ATP13A3: variants seen among roughly 807,000 people sequenced by gnomAD.
ATP13A3 encodes the protein ATPase 13A3.
A neutral mutation model predicts 158.1 loss-of-function variants in ATP13A3; 59 were observed. The ratio of observed to expected loss-of-function variants is 0.37; its 90% CI spans 0.30 to 0.46. ATP13A3 has a LOEUF of 0.46. Among genes scored for constraint, ATP13A3 ranks in the 20% least tolerant of loss-of-function variants. ATP13A3 has a pLI of 1.00. For synonymous variants in ATP13A3, 491 were observed against 504.3 expected, an observed-to-expected ratio of 0.97 and a Z score of 0.35; for missense variants, 1,166 against 1,525.2, an observed-to-expected ratio of 0.76 and a Z score of 3.92.
Position 194,434,729 on chromosome 3 carries a change from C to T in ATP13A3, c.2121-833G>A, listed in dbSNP as rs150842507. On this transcript the variant is annotated intron_variant, in intron 20 of 33. Transcript: ENST00000645319. ...CCTAGGAGTTTGAGGCCAGCCTGGGCAGCATAGTGAGACCCCGTCTCTACA... is the reference window on the plus strand; with the variant it reads ...CCTAGGAGTTTGAGGCCAGCCTGGGTAGCATAGTGAGACCCCGTCTCTACA... Among the ~76,000 whole-genome samples, 3 of 152,226 alleles carry T rather than the reference C, an allele frequency of 2.0e-5. 1 individual carries two copies. Among genetic ancestry groups the T allele is most frequent in the African/African-American group, 7.2e-5 (3 of 41,532 alleles).
chr3:194,405,874 T>C lies in ATP13A3; in HGVS notation c.*45A>G, dbSNP rs769894341. ...GATCAGAAACTCCTAAAATCACATA[T>C]TCCTGAATACTGCTATCAGCAATAC... On this transcript the variant is annotated 3_prime_UTR_variant, in exon 34 of 34. Transcript: ENST00000645319. 49 of 1,594,382 alleles carry C rather than the reference T, an allele frequency of 3.1e-5. No individual in the cohort carries two copies. The highest frequency in any genetic ancestry group is 8.9e-5 in the East Asian group (4 of 44,784).
chr3:194,485,296 G>A (rs1720923200), intron 2 of ATP13A3, among the ~76,000 whole-genome samples: 1 of 152,084 alleles, frequency 6.6e-6, no homozygotes, highest in African/African-American at 2.4e-5. Flanking sequence ...TGCCTTAAAG[G>A]GGTTGCAAAC....
At chr3:194,442,283 A>G (rs931991897) in intron 15 of ATP13A3, among the ~76,000 whole-genome samples, 4 of 152,236 alleles carry the variant, frequency 2.6e-5, no homozygotes, top group Non-Finnish European at 4.4e-5. Flanking sequence ...GTCAACAGAC[A>G]TAACAAAGAC....
intron 22 of ATP13A3, 86 bp from the exon 23 acceptor site, chr3:194,431,312 G>C: frequency 7.1e-7 from 1 of 1,401,294 alleles, no homozygotes; most frequent in Non-Finnish European, 9.6e-7. Context: ...TTCTAAAACT[G>C]AATTCTTTCA....
chr3:194,415,155 T>C (rs991008779), intron 31 of ATP13A3, among the ~76,000 whole-genome samples: 1 of 152,016 alleles, frequency 6.6e-6, no homozygotes, highest in Non-Finnish European at 1.5e-5. Flanking sequence ...GAAGAGAGTA[T>C]CTTAAGAATG....
chr3:194,476,768 T>C (rs1185520637), intron 2 of ATP13A3, among the ~76,000 whole-genome samples: 2 of 143,854 alleles, frequency 1.4e-5, no homozygotes, highest in Non-Finnish European at 3.0e-5. Context: ...AAGTTGTTGT[T>C]TTTTTTTTTT....
chr3:194,457,092 A>G lies in ATP13A3; in HGVS notation c.560+2T>C. On this transcript the variant is annotated splice_donor_variant, in intron 7 of 33. Coordinates refer to ENST00000645319, the MANE Select transcript of ATP13A3 (RefSeq NM_001367549.1). LOFTEE classifies it high-confidence loss of function. ...ATCTAACTTTAGTTGGATAAAAATT[A>G]CCTGTAGGCATGCATCCCCTTTGTC... is the stretch of plus-strand genomic sequence containing the variant. The G allele has an allele frequency of 6.2e-7, 1 of 1,608,226 alleles. No homozygotes were observed. The highest frequency in any genetic ancestry group is 8.5e-7 in the Non-Finnish European group (1 of 1,176,428).
chr3:194,436,935 T>C (rs1243430104), intron 20 of ATP13A3, among the ~76,000 whole-genome samples, 160 bp downstream of exon 20: 1 of 152,156 alleles, frequency 6.6e-6, no homozygotes, highest in Non-Finnish European at 1.5e-5. Context: ...AATCAGGCAG[T>C]GGGGAAAATG....
At chr3:194,468,386 T>TAAAAAAAAAAAAAAAAAAAAAAAAAAA (rs35011462) in intron 2 of ATP13A3, 1 of 111,878 alleles carries the variant, frequency 8.9e-6, no homozygotes, top group African/African-American at 3.9e-5. Context: ...TGTGTGAGTT[T>TAAAAAAAAAAAAAAAAAAAAAAAAAAA]AAAAAAAAAA....
intron 11 of ATP13A3, among the ~76,000 whole-genome samples, chr3:194,449,571 G>A (rs561075915): frequency 3.9e-5 from 6 of 152,148 alleles, no homozygotes; most frequent in South Asian, 4.1e-4. Flanking sequence ...CCAGCTACTC[G>A]GGAGGCTGAG....
chr3:194,427,131 C>G lies in ATP13A3; in HGVS notation c.3069G>C (p.Leu1023Phe). The change falls in exon 29 of 34, where the codon TTG (leucine) becomes TTC (phenylalanine). Residue 1023 changes from leucine to phenylalanine, a missense_variant. Leu to Phe is a conservative substitution (Grantham distance 22, BLOSUM62 0). Coordinates refer to ENST00000645319, the MANE Select transcript of ATP13A3 (RefSeq NM_001367549.1). ...GTTGCTGTTTGACCCAAAAAAAACC[C>G]AAAGATTGAAATCCAATGCAGATGA... ...QIIICIGFQS[L>F]GFFWVKQQPW... 6.2e-7 allele frequency: 1 copy of G among 1,613,470 alleles called. No individual in the cohort carries two copies. Among genetic ancestry groups the G allele is most frequent in the Non-Finnish European group, 8.5e-7 (1 of 1,179,852 alleles).
chr3:194,429,888 G>A, intron 26 of ATP13A3, 114 bp from the exon 27 acceptor site: 1 of 1,065,218 alleles, frequency 9.4e-7, no homozygotes, highest in South Asian at 1.5e-5. Flanking sequence ...ACAACAAAGT[G>A]CTTATCCACC....
rs943264474 is a variant in ATP13A3, at chr3:194,447,126, C to T, written c.1309-11G>A. The T allele has an allele frequency of 1.3e-6, 2 of 1,587,710 alleles. No homozygotes were observed. Among genetic ancestry groups the T allele is most frequent in the Admixed American group, 3.8e-5 (2 of 53,142 alleles). ...GACCCCAACTTGTACCTACAATTAA[C>T]ACAAAAATAAATGTCAAATCCCCAG... On this transcript the variant is annotated splice_polypyrimidine_tract_variant and intron_variant, in intron 13 of 33. Transcript: ENST00000645319.
At chr3:194,492,130 C>A (rs1237649791) in intron 2 of ATP13A3, among the ~76,000 whole-genome samples, 1 of 152,172 alleles carries the variant, frequency 6.6e-6, no homozygotes, top group African/African-American at 2.4e-5. Context: ...TCCCCCTCCA[C>A]TGGCACTCCT....
At chr3:194,429,128 C>A (rs1286989922) in intron 27 of ATP13A3, among the ~76,000 whole-genome samples, 1 of 151,954 alleles carries the variant, frequency 6.6e-6, no homozygotes, top group Non-Finnish European at 1.5e-5. Context: ...AAAGGCATCT[C>A]CTTAAAATTC....
Position 194,437,310 on chromosome 3 carries a change from C to A in ATP13A3, c.1999+1G>T. ...TACCCAAAGCATAGATATTTCCTTA[C>A]CTGTTTCAGGTTTACAGAGACCGGC... On this transcript the variant is annotated splice_donor_variant, in intron 19 of 33. Coordinates refer to ENST00000645319, the MANE Select transcript of ATP13A3 (RefSeq NM_001367549.1). LOFTEE classifies it high-confidence loss of function. 1 of 1,614,182 alleles carries A rather than the reference C, an allele frequency of 6.2e-7. No individual in the cohort carries two copies.
At chr3:194,454,559 T>C (rs537266848) in intron 8 of ATP13A3, among the ~76,000 whole-genome samples, 167 bp from the exon 9 acceptor site, 2 of 152,360 alleles carry the variant, frequency 1.3e-5, no homozygotes, top group South Asian at 2.1e-4. Flanking sequence ...CTGGGCGCGG[T>C]GGCTCACGCC....
At chr3:194,476,552 C>T (rs1720531001) in intron 2 of ATP13A3, among the ~76,000 whole-genome samples, 1 of 152,168 alleles carries the variant, frequency 6.6e-6, no homozygotes, top group Non-Finnish European at 1.5e-5. Flanking sequence ...CAACCGGCCA[C>T]TCATCTTTTG....
chr3:194,459,993 C>A, intron 4 of ATP13A3, 22 bp from the exon 5 acceptor site: 1 of 1,563,250 alleles, frequency 6.4e-7, no homozygotes, highest in African/African-American at 1.4e-5. Flanking sequence ...AAAGGGATAA[C>A]GGTAAGGAGT....
Sources: allele counts gnomAD v4.1 joint callset (sites outside exome capture counted in the v4.1 genomes callset), GRCh38; gene constraint gnomAD v4.1.1; transcripts MANE v1.5; gene names NCBI Gene and HGNC (gene_info 2026-07-23, HGNC 2026-07-21).